The following GRAMD1B variants were observed in gnomAD, a reference collection of about 807,000 sequenced individuals.
GRAMD1B encodes protein Aster-B.
GRAMD1B carries 37 observed loss-of-function variants against 99.7 expected under a neutral mutation model. The ratio of observed to expected loss-of-function variants is 0.37; its 90% CI spans 0.29 to 0.49. GRAMD1B has a LOEUF of 0.49. GRAMD1B is among the 20% of genes least tolerant of loss of function. The probability of loss-of-function intolerance (pLI) is 0.98; values close to 1 mark genes in which losing one functional copy is unlikely to be tolerated. For synonymous variants in GRAMD1B, 427 were observed against 387.6 expected (o/e 1.10, Z -1.19); for missense variants, 888 against 1,009.2 (o/e 0.88, Z 1.63).
At chr11:123,513,646 T>C (rs1018043730) in intron 2 of GRAMD1B, among the ~76,000 whole-genome samples, 16 of 28,478 alleles carry the variant, frequency 5.6e-4, no homozygotes, top group African/African-American at 1.6e-3. Flanking sequence ...TTCTTTCTTT[T>C]TCTTACCTTT....
chr11:123,393,211 G>C (rs986433600), intron 1 of GRAMD1B, among the ~76,000 whole-genome samples: 1 of 152,146 alleles, frequency 6.6e-6, no homozygotes, highest in Non-Finnish European at 1.5e-5. Context: ...CCAATAACAC[G>C]CAGTTATTAG....
In GRAMD1B at chr11:123,626,884, T is replaced by C. The variant is rs1591335177; in HGVS notation, c.*4289T>C. 2 of 152,440 alleles carry C rather than the reference T, an allele frequency of 1.3e-5. No homozygotes were observed. Among genetic ancestry groups the C allele is most frequent in the South Asian group, 2.1e-4 (1 of 4,826 alleles). 9.4% of individuals were successfully genotyped at this position (152,440 alleles called of 1,614,324 possible). On this transcript the variant is annotated 3_prime_UTR_variant, in exon 20 of 20. Coordinates refer to ENST00000635736, the MANE Select transcript of GRAMD1B (RefSeq NM_001387025.1). ...CTTTTAAGGCCCCTGCTTGCTGTCA[T>C]AGTGCAGAGCAGAAACTTGCACACT... is the stretch of plus-strand genomic sequence containing the variant.
rs2137185980 is a variant in GRAMD1B, at chr11:123,623,650, T to G, written c.*1055T>G. On this transcript the variant is annotated 3_prime_UTR_variant, in exon 20 of 20. Transcript: ENST00000635736. The stretch of plus-strand genomic sequence containing the variant: ...ACACTGTGAGTGGTGAGCACCAAGA[T>G]GGGTTGCCAGCCTCATTTGCTCTTT... 6.6e-6 allele frequency: 1 copy of G among 152,270 alleles called. No homozygotes were observed. Among genetic ancestry groups the G allele is most frequent in the Non-Finnish European group, 1.5e-5 (1 of 68,036 alleles). The allele number at this position is 152,270 out of a possible 1,614,324, so 9.4% of individuals were successfully genotyped here.
intron 2 of GRAMD1B, among the ~76,000 whole-genome samples, chr11:123,544,204 G>C (rs182025236): frequency 4.7e-4 from 72 of 152,276 alleles, no homozygotes; most frequent in Admixed American, 1.7e-3. Flanking sequence ...AGTGGCTAGT[G>C]CCCTAATAAC....
chr11:123,551,915 C>A (rs1365614475), intron 2 of GRAMD1B, among the ~76,000 whole-genome samples: 4 of 152,150 alleles, frequency 2.6e-5, no homozygotes, highest in Non-Finnish European at 5.9e-5. Context: ...TCTCTGCAGC[C>A]CCTGGGCTCC....
In GRAMD1B at chr11:123,430,516, G is replaced by A. The variant is rs185104898; in HGVS notation, c.-277G>A. ...CGAGGGGAGCCCCAGGAGGGCTGCC[G>A]AGTGGCTGGCAGGCGGCTCCCGCCC... On this transcript the variant is annotated 5_prime_UTR_variant, in exon 1 of 20. Coordinates refer to ENST00000635736, the MANE Select transcript of GRAMD1B (RefSeq NM_001387025.1). 1,506 of 431,850 alleles carry A rather than the reference G, an allele frequency of 3.5e-3. 3 individuals are homozygous for A. Among genetic ancestry groups the A allele is most frequent in the Middle Eastern group, 4.8e-3 (8 of 1,668 alleles). The allele number at this position is 431,850 out of a possible 1,614,324, so 26.8% of individuals were successfully genotyped here. A position where few individuals can be genotyped will look rare whatever the true frequency, so the allele number is the denominator to read the frequency against.
chr11:123,467,155 T>G (rs1424746266), intron 1 of GRAMD1B, among the ~76,000 whole-genome samples: 1 of 152,202 alleles, frequency 6.6e-6, no homozygotes, highest in African/African-American at 2.4e-5. Flanking sequence ...ATGATCTGTA[T>G]TCACGAGAGC....
At chr11:123,621,382 T>G (rs1179911506) in intron 19 of GRAMD1B, among the ~76,000 whole-genome samples, 1 of 152,198 alleles carries the variant, frequency 6.6e-6, no homozygotes, top group East Asian at 1.9e-4. Context: ...GTCTATGACC[T>G]AAAAATGTTA....
intron 2 of GRAMD1B, among the ~76,000 whole-genome samples, chr11:123,573,443 C>G (rs763121551): frequency 6.6e-6 from 1 of 152,172 alleles, no homozygotes; most frequent in Non-Finnish European, 1.5e-5. Context: ...TTTCTTTGTA[C>G]TCACCCAGCT....
chr11:123,442,859 C>T (rs554482348), intron 1 of GRAMD1B, among the ~76,000 whole-genome samples: 3 of 53,274 alleles, frequency 5.6e-5, no homozygotes, highest in Non-Finnish European at 1.4e-4. Context: ...TTATTTATGC[C>T]CCCCCCCACC....
At chr11:123,440,745 G>A (rs1479151142) in intron 1 of GRAMD1B, among the ~76,000 whole-genome samples, 1 of 152,152 alleles carries the variant, frequency 6.6e-6, no homozygotes, top group Admixed American at 6.5e-5. Flanking sequence ...GCCAGTATCT[G>A]CTTCTGACCT....
At chr11:123,445,854 A>T (rs1223445218) in intron 1 of GRAMD1B, among the ~76,000 whole-genome samples, 1 of 151,832 alleles carries the variant, frequency 6.6e-6, no homozygotes, top group Non-Finnish European at 1.5e-5. Context: ...CAAACAAACA[A>T]AAACAACCCC....
At chr11:123,426,061 G>A (rs1225372228), upstream of GRAMD1B, among the ~76,000 whole-genome samples, 2 of 152,182 alleles carry the variant, frequency 1.3e-5, no homozygotes, top group East Asian at 3.8e-4. Flanking sequence ...GGGTCTCAGG[G>A]AGGTGTTTAG....
chr11:123,613,658 G>A lies in GRAMD1B; in HGVS notation c.2227G>A (p.Gly743Ser). 1.2e-6 allele frequency: 2 copies of A among 1,611,608 alleles called. No homozygotes were observed. Among genetic ancestry groups the A allele is most frequent in the Non-Finnish European group, 1.7e-6 (2 of 1,178,646 alleles). The change falls in exon 16 of 20, where the codon GGT becomes AGT. Residue 743 changes from glycine (G) to serine (S), a missense_variant and splice_region_variant. Coordinates refer to ENST00000635736, the MANE Select transcript of GRAMD1B (RefSeq NM_001387025.1). ...DVGHRIKHVA[G>S]STQTRHIPED... ...GGGCCACAGGATCAAACATGTGGCA[G>A]GTGTGTGCCAGGTGGGGACAGGTCG...
intron 2 of GRAMD1B, among the ~76,000 whole-genome samples, chr11:123,534,239 A>G (rs1200141778): frequency 2.0e-5 from 3 of 152,238 alleles, no homozygotes; most frequent in African/African-American, 4.8e-5. Context: ...TAAGAAAGTC[A>G]TAAGAGAATA....
chr11:123,473,882 G>C (rs1419495121), intron 1 of GRAMD1B, among the ~76,000 whole-genome samples: 1 of 152,164 alleles, frequency 6.6e-6, no homozygotes, highest in East Asian at 1.9e-4. Flanking sequence ...TTGCCAGGTG[G>C]CACACAGAAA....
At chr11:123,537,063 T>G (rs1295727315) in intron 2 of GRAMD1B, among the ~76,000 whole-genome samples, 1 of 152,232 alleles carries the variant, frequency 6.6e-6, no homozygotes, top group African/African-American at 2.4e-5. Context: ...CCGTCTTGAA[T>G]TAATTGTTTG....
intron 2 of GRAMD1B, among the ~76,000 whole-genome samples, chr11:123,517,127 C>T (rs897400142): frequency 6.6e-6 from 1 of 152,112 alleles, no homozygotes; most frequent in African/African-American, 2.4e-5. Flanking sequence ...ACCATGTTGG[C>T]CAGGCTGGTT....
At chr11:123,458,539 G>A (rs1173014802) in intron 1 of GRAMD1B, 1 of 152,102 alleles carries the variant, frequency 6.6e-6, no homozygotes, top group Admixed American at 6.5e-5. Flanking sequence ...CTTTAATCCA[G>A]TCAAACTGAC....
Sources: gnomAD v4.1 joint callset for allele counts (sites outside exome capture counted in the v4.1 genomes callset) on GRCh38, gnomAD v4.1.1 for gene constraint, MANE v1.5 for transcripts, NCBI Gene and HGNC (gene_info 2026-07-23, HGNC 2026-07-21) for gene names.